The following MICU1 variants were observed in gnomAD, a reference collection of about 807,000 sequenced individuals.
MICU1 encodes calcium uptake protein 1, mitochondrial.
In MICU1, 45 loss-of-function variants were observed where a neutral mutation model predicts 56.8. The observed-to-expected ratio is 0.79, with a 90% CI of 0.62 to 1.02. The LOEUF is 1.02. Among genes scored for constraint, MICU1 ranks in the 50% least tolerant of loss-of-function variants. MICU1 has a pLI of 0.00. For synonymous variants in MICU1, 186 were observed against 195.1 expected, an observed-to-expected ratio of 0.95 and a Z score of 0.39; for missense variants, 504 against 587.1, an observed-to-expected ratio of 0.86 and a Z score of 1.46.
At chr10:72,563,496 C>T (rs1326722043) in intron 2 of MICU1, among the ~76,000 whole-genome samples, 1 of 152,158 alleles carries the variant, frequency 6.6e-6, no homozygotes, top group Non-Finnish European at 1.5e-5. Flanking sequence ...TATTGTATGA[C>T]TTCACTTACA....
chr10:72,490,722 T>G (rs1866626737), intron 6 of MICU1, among the ~76,000 whole-genome samples: 1 of 152,202 alleles, frequency 6.6e-6, no homozygotes, highest in South Asian at 2.1e-4. Flanking sequence ...CTTCTGCCTG[T>G]GAGTTCCCCT....
At chr10:72,610,592 G>C (rs2132565885) in intron 1 of MICU1, among the ~76,000 whole-genome samples, 1 of 152,332 alleles carries the variant, frequency 6.6e-6, no homozygotes, top group South Asian at 2.1e-4. Context: ...TCAGTCAACT[G>C]TAGCTACAGC....
chr10:72,523,979 C>A, intron 5 of MICU1: 1 of 1,289,676 alleles, frequency 7.8e-7, no homozygotes, highest in Non-Finnish European at 9.8e-7. Flanking sequence ...TTTTACTGAG[C>A]AAAGTGCAAC....
intron 1 of MICU1, among the ~76,000 whole-genome samples, chr10:72,601,203 C>T: frequency 6.6e-6 from 1 of 152,064 alleles, no homozygotes; most frequent in Non-Finnish European, 1.5e-5. Context: ...GGGTACCTTG[C>T]TTGAGCCCAT....
At position 72,453,344 on chromosome 10, in the gene MICU1, G is replaced by A. The variant is rs560191832; in HGVS notation, c.933+21756C>T. 6.0e-4 allele frequency among the ~76,000 whole-genome samples: 92 copies of A among 152,114 alleles called. No homozygotes were observed. In the South Asian group the frequency reaches 0.019, roughly 31 times the overall value. ...CACAGTTAGCACAAGAATATACCAC[G>A]ATATTCTTTATGACAAGCTGTGGAG... On this transcript the variant is annotated intron_variant, in intron 8 of 11. Transcript: ENST00000361114.
chr10:72,529,946 CTTT>C (rs11338457), intron 5 of MICU1, among the ~76,000 whole-genome samples: 20 of 100,796 alleles, frequency 2.0e-4, no homozygotes, highest in African/African-American at 2.6e-4. Flanking sequence ...GGGGAAGGTG[CTTT>C]TTTTTTTTTT....
At chr10:72,479,955 T>TA (rs1251082304) in intron 6 of MICU1, among the ~76,000 whole-genome samples, 4 of 152,236 alleles carry the variant, frequency 2.6e-5, no homozygotes, top group African/African-American at 9.6e-5. Context: ...TTCCTGTAGA[T>TA]ACTTGAGAAT....
At chr10:72,441,867 C>T (rs1864947250) in intron 8 of MICU1, among the ~76,000 whole-genome samples, 1 of 151,986 alleles carries the variant, frequency 6.6e-6, no homozygotes, top group African/African-American at 2.4e-5. Context: ...ATCCGCCCAC[C>T]CTGGCCTCCC....
intron 1 of MICU1, among the ~76,000 whole-genome samples, chr10:72,570,702 A>T (rs1840588536): frequency 6.6e-6 from 1 of 152,116 alleles, no homozygotes; most frequent in Non-Finnish European, 1.5e-5. Flanking sequence ...AAATGGAAAA[A>T]CTGTTAATCT....
intron 6 of MICU1, among the ~76,000 whole-genome samples, chr10:72,479,708 T>C (rs1866231985): frequency 1.3e-5 from 2 of 152,134 alleles, no homozygotes; most frequent in Non-Finnish European, 2.9e-5. Flanking sequence ...CTATGTTTTG[T>C]GGAGATGTGG....
chr10:72,577,727 T>G (rs1034433734), intron 1 of MICU1, among the ~76,000 whole-genome samples: 1 of 152,132 alleles, frequency 6.6e-6, no homozygotes, highest in African/African-American at 2.4e-5. Flanking sequence ...TTAAAAAAAT[T>G]TTTTTTAAAG....
At position 72,568,148 on chromosome 10, in the gene MICU1, A is replaced by AT. The variant is rs542158120; in HGVS notation, c.-1-1355dup. ...CACTGCTTTGAAGTTTTTATTAAAT[A>AT]TTTTTCACACCCAGGTCCTTGGAAG... On this transcript the variant is annotated intron_variant, in intron 1 of 11. Coordinates refer to ENST00000361114, the MANE Select transcript of MICU1 (RefSeq NM_001195518.2). Among the ~76,000 whole-genome samples the AT allele has an allele frequency of 3.9e-5, 6 of 152,000 alleles. No homozygotes were observed. The South Asian group carries it at 1.2e-3, about 32-fold the overall frequency.
At chr10:72,580,571 G>A (rs1457954293) in intron 1 of MICU1, among the ~76,000 whole-genome samples, 4 of 152,074 alleles carry the variant, frequency 2.6e-5, no homozygotes, top group African/African-American at 9.7e-5. Context: ...CCACCTCCTG[G>A]GTTCAAGTGA....
chr10:72,517,244 C>T (rs1316180182), intron 5 of MICU1, among the ~76,000 whole-genome samples: 1 of 152,134 alleles, frequency 6.6e-6, no homozygotes, highest in Non-Finnish European at 1.5e-5. Context: ...CCTGATTCTA[C>T]CATTTGATCC....
At chr10:72,476,299 G>T (rs1011193101) in intron 7 of MICU1, among the ~76,000 whole-genome samples, 13 of 150,492 alleles carry the variant, frequency 8.6e-5, no homozygotes, top group African/African-American at 3.2e-4. Context: ...CACGATCATA[G>T]CTCACTGCAA....
rs113110186 is a variant in MICU1, at chr10:72,371,754, A to AAAAT, written c.1271-3400_1271-3399insATTT. Among the ~76,000 whole-genome samples the AAAAT allele has an allele frequency of 1.8e-3, 263 of 150,250 alleles. 1 individual carries two copies. The highest frequency in any genetic ancestry group is 0.011 in the Middle Eastern group (3 of 280). ...AGTGAAACTCCATCTCAAAGAAAAAAATATATATATATAGGCCAAGGTGGG... is the reference window on the plus strand; with the variant it reads ...AGTGAAACTCCATCTCAAAGAAAAAAAAATATATATATATATAGGCCAAGGTGGG... On this transcript the variant is annotated intron_variant, in intron 11 of 11. Transcript: ENST00000361114.
chr10:72,526,932 C>CAAAAAAAAAAAAAAAAAAAAAA (rs57033966), intron 5 of MICU1, among the ~76,000 whole-genome samples: 1 of 127,634 alleles, frequency 7.8e-6, no homozygotes, highest in Non-Finnish European at 1.6e-5. Context: ...GTAATGGCTT[C>CAAAAAAAAAAAAAAAAAAAAAA]AAAAAAAAAA....
intron 6 of MICU1, among the ~76,000 whole-genome samples, chr10:72,506,118 C>A (rs1262933113): frequency 6.6e-6 from 1 of 152,056 alleles, no homozygotes; most frequent in Admixed American, 6.6e-5. Context: ...AAATCACTCA[C>A]CACATTCAAA....
At chr10:72,606,019 T>TACTC (rs1171330233) in intron 1 of MICU1, among the ~76,000 whole-genome samples, 1 of 150,118 alleles carries the variant, frequency 6.7e-6, no homozygotes, top group African/African-American at 2.5e-5. Context: ...TAGTCCCAGC[T>TACTC]ACTCAGGAGG....
Sources: gnomAD v4.1 joint callset for allele counts (sites outside exome capture counted in the v4.1 genomes callset) on GRCh38, gnomAD v4.1.1 for gene constraint, MANE v1.5 for transcripts, NCBI Gene and HGNC (gene_info 2026-07-23, HGNC 2026-07-21) for gene names.